Variants in MYOCD observed in about 807,000 individuals in gnomAD.
MYOCD encodes the protein myocardin.
MYOCD carries 32 observed loss-of-function variants against 96.1 expected under a neutral mutation model. That is an observed-to-expected ratio of 0.33 (90% CI 0.25 to 0.45). MYOCD has a LOEUF of 0.45. Ranked by LOEUF, MYOCD falls within the 20% of genes least tolerant of loss-of-function variation. MYOCD has a pLI of 1.00. For missense variants in MYOCD, 1,133 were observed against 1,200.6 expected (o/e 0.94, Z 0.83); for synonymous variants, 469 against 469.0 (o/e 1.00, Z 0.00).
At chr17:12,685,499 G>T (rs973273774) in intron 1 of MYOCD, among the ~76,000 whole-genome samples, 1 of 151,846 alleles carries the variant, frequency 6.6e-6, no homozygotes, top group Non-Finnish European at 1.5e-5. Flanking sequence ...CCAGCTACTC[G>T]GGAGGCTGCG....
In MYOCD at chr17:12,711,590, A is replaced by G. The variant is rs140439998; in HGVS notation, c.122-3929A>G. 1.0e-3 allele frequency among the ~76,000 whole-genome samples: 155 copies of G among 152,352 alleles called. 1 individual carries two copies. The highest frequency in any genetic ancestry group is 3.2e-3 in the African/African-American group (135 of 41,590). On this transcript the variant is annotated intron_variant, in intron 2 of 13. Coordinates refer to ENST00000425538, the MANE Select transcript of MYOCD (RefSeq NM_001146312.3). ...CTTGTTGATGAGAACAACCGTAACT[A>G]AACCAAGTTGCTATGATTCCAGGCA...
At chr17:12,686,066 A>G (rs1346065009) in intron 1 of MYOCD, among the ~76,000 whole-genome samples, 1 of 152,214 alleles carries the variant, frequency 6.6e-6, no homozygotes, top group Admixed American at 6.5e-5. Flanking sequence ...ATGCTTTACA[A>G]TCTTGCAGCG....
chr17:12,730,834 A>G (rs963661375), intron 5 of MYOCD, among the ~76,000 whole-genome samples: 1 of 152,172 alleles, frequency 6.6e-6, no homozygotes, highest in Non-Finnish European at 1.5e-5. Context: ...GCATTTTCAT[A>G]TTCTACTTCA....
chr17:12,708,689 C>T (rs2031383968), intron 2 of MYOCD, among the ~76,000 whole-genome samples: 1 of 152,128 alleles, frequency 6.6e-6, no homozygotes, highest in African/African-American at 2.4e-5. Context: ...CCGCGCCTGG[C>T]CAGCAATACT....
chr17:12,713,788 A>G (rs898847335), intron 2 of MYOCD, among the ~76,000 whole-genome samples: 4 of 152,194 alleles, frequency 2.6e-5, no homozygotes, highest in Non-Finnish European at 4.4e-5. Flanking sequence ...CTTATTAAGG[A>G]TGATGACCAG....
chr17:12,742,123 G>C (rs1416816154), intron 7 of MYOCD, among the ~76,000 whole-genome samples: 1 of 152,142 alleles, frequency 6.6e-6, no homozygotes, highest in Non-Finnish European at 1.5e-5. Flanking sequence ...ACAGCAGCTG[G>C]TCTGGAGCAG....
At chr17:12,683,445 G>T (rs980081581) in intron 1 of MYOCD, among the ~76,000 whole-genome samples, 5 of 151,846 alleles carry the variant, frequency 3.3e-5, no homozygotes, top group Admixed American at 3.3e-4. Context: ...TTCCTCTGTC[G>T]CTTTCTCTCG....
chr17:12,685,993 C>A (rs1040058724), intron 1 of MYOCD, among the ~76,000 whole-genome samples: 1 of 152,240 alleles, frequency 6.6e-6, no homozygotes, highest in Non-Finnish European at 1.5e-5. Flanking sequence ...TGACATTTCC[C>A]TCTAAAGGGT....
At chr17:12,696,675 A>AG (rs1255490720) in intron 1 of MYOCD, among the ~76,000 whole-genome samples, 1 of 152,194 alleles carries the variant, frequency 6.6e-6, no homozygotes, top group Non-Finnish European at 1.5e-5. Context: ...TTTCTGAGAA[A>AG]GGCCTGTTCC....
chr17:12,766,676 A>G lies in MYOCD; in HGVS notation c.*3032A>G, dbSNP rs547787574. 6.6e-6 allele frequency: 1 copy of G among 152,340 alleles called. No homozygotes were observed. The highest frequency in any genetic ancestry group is 1.9e-4 in the East Asian group (1 of 5,182). 9.4% of individuals were successfully genotyped at this position (152,340 alleles called of 1,614,324 possible). A position where few individuals can be genotyped will look rare whatever the true frequency, so the allele number is the denominator to read the frequency against. ...CAAATCAGGCATGACTAAAAGATGT[A>G]CAGAGACTTACGAAGATGGTCACAT... On this transcript the variant is annotated 3_prime_UTR_variant, in exon 14 of 14. Coordinates refer to ENST00000425538, the MANE Select transcript of MYOCD (RefSeq NM_001146312.3).
At chr17:12,687,893 C>T (rs2030213574) in intron 1 of MYOCD, among the ~76,000 whole-genome samples, 1 of 152,076 alleles carries the variant, frequency 6.6e-6, no homozygotes, top group Non-Finnish European at 1.5e-5. Context: ...GCAGTGTATC[C>T]ATGGCAACGT....
At chr17:12,744,032 A>T in intron 7 of MYOCD, 151 bp from the exon 8 acceptor site, 1 of 871,494 alleles carries the variant, frequency 1.1e-6, no homozygotes, top group Non-Finnish European at 1.8e-6. Context: ...TTAGTGTCCT[A>T]GGAGCTCTTT....
At chr17:12,690,129 T>G (rs2030367392) in intron 1 of MYOCD, among the ~76,000 whole-genome samples, 1 of 152,080 alleles carries the variant, frequency 6.6e-6, no homozygotes, top group Non-Finnish European at 1.5e-5. Context: ...ACTGACTATG[T>G]TTAATGTACT....
intron 9 of MYOCD, among the ~76,000 whole-genome samples, chr17:12,749,713 A>ATG (rs1359586320): frequency 1.8e-4 from 25 of 141,126 alleles, no homozygotes; most frequent in African/African-American, 6.0e-4. Flanking sequence ...ATATGTGTAT[A>ATG]TATATGTGTG....
rs759207095 is a variant in MYOCD at position 12,766,558 on chromosome 17, G to T, written c.*2914G>T. The T allele has an allele frequency of 1.3e-5, 2 of 152,222 alleles. No homozygotes were observed. Among genetic ancestry groups the T allele is most frequent in the Non-Finnish European group, 2.9e-5 (2 of 68,038 alleles). 9.4% of individuals were successfully genotyped at this position (152,222 alleles called of 1,614,324 possible). ...TGGGAGAAAATTGATGAAGTTGGCTGCTTCCAGTAGATCAGATAATCCATG... is the reference window on the plus strand; with the variant it reads ...TGGGAGAAAATTGATGAAGTTGGCTTCTTCCAGTAGATCAGATAATCCATG... On this transcript the variant is annotated 3_prime_UTR_variant, in exon 14 of 14. Transcript: ENST00000425538.
chr17:12,747,707 T>C (rs1366157312), intron 9 of MYOCD, among the ~76,000 whole-genome samples: 2 of 152,092 alleles, frequency 1.3e-5, no homozygotes, highest in African/African-American at 4.8e-5. Flanking sequence ...ACCCCGCTAA[T>C]AGTAATCAGA....
intron 1 of MYOCD, among the ~76,000 whole-genome samples, chr17:12,670,398 C>T (rs567367064): frequency 8.5e-5 from 13 of 152,260 alleles, no homozygotes; most frequent in South Asian, 4.2e-4. Flanking sequence ...CCTAAAAGGA[C>T]GACTGATTCC....
chr17:12,752,681 C>T lies in MYOCD; in HGVS notation c.1393C>T (p.Leu465=). Residue 465 remains leucine (L), a synonymous_variant, in exon 10 of 14, where the codon CTG becomes TTG. Transcript: ENST00000425538. ...SPPISPASSD[L]SVAGSLPDTF... ...CCCGATCTCCCCAGCCTCCTCTGAC[C>T]TGTCAGTCGCTGGGTCCCTGCCGGA... 6.2e-7 allele frequency: 1 copy of T among 1,614,210 alleles called. No individual in the cohort carries two copies. The highest frequency in any genetic ancestry group is 8.5e-7 in the Non-Finnish European group (1 of 1,180,034).
Position 12,763,711 on chromosome 17 carries a change from A to G in MYOCD, c.*67A>G, listed in dbSNP as rs924059242. 7.5e-7 allele frequency: 1 copy of G among 1,333,944 alleles called. No homozygotes were observed. Among genetic ancestry groups the G allele is most frequent in the Admixed American group, 2.3e-5 (1 of 42,974 alleles). The allele number at this position is 1,333,944 out of a possible 1,614,324, so 82.6% of individuals were successfully genotyped here. A position where few individuals can be genotyped will look rare whatever the true frequency, so the allele number is the denominator to read the frequency against. The stretch of plus-strand genomic sequence containing the variant: ...CATGGGGGAAAGCACACAGCCATAC[A>G]TACTTTACTGTCCAAAAACAGAAGA... On this transcript the variant is annotated 3_prime_UTR_variant, in exon 14 of 14. Transcript: ENST00000425538.
Sources: allele counts gnomAD v4.1 joint callset (sites outside exome capture counted in the v4.1 genomes callset), GRCh38; gene constraint gnomAD v4.1.1; transcripts MANE v1.5; gene names NCBI Gene and HGNC (gene_info 2026-07-23, HGNC 2026-07-21).